Variants in TMEM163 observed in about 807,000 individuals in gnomAD.
TMEM163 encodes transmembrane protein 163.
In TMEM163, 17 loss-of-function variants were observed where a neutral mutation model predicts 29.3. The ratio of observed to expected loss-of-function variants is 0.58; its 90% CI spans 0.40 to 0.87. The LOEUF (loss-of-function observed/expected upper bound fraction) is 0.87, where lower values mean the gene tolerates loss of function less well. Among genes scored for constraint, TMEM163 ranks in the 40% least tolerant of loss-of-function variants. TMEM163 has a pLI of 0.00. For synonymous variants in TMEM163, 157 were observed against 160.6 expected, an observed-to-expected ratio of 0.98 and a Z score of 0.17; for missense variants, 303 against 381.5, an observed-to-expected ratio of 0.79 and a Z score of 1.71.
At chr2:134,598,119 G>T (rs1291275965) in intron 2 of TMEM163, among the ~76,000 whole-genome samples, 2 of 152,032 alleles carry the variant, frequency 1.3e-5, no homozygotes, top group Middle Eastern at 3.2e-3. Context: ...CTTCAGTTCT[G>T]CTCACAAAGC....
Position 134,565,844 on chromosome 2 carries a change from T to C in TMEM163, c.323-13753A>G, listed in dbSNP as rs116270799. On this transcript the variant is annotated intron_variant, in intron 2 of 7. Coordinates refer to ENST00000281924, the MANE Select transcript of TMEM163 (RefSeq NM_030923.5). ...GCAAAGGCAAACACAAAAGCACTCA[T>C]TGGATAATCTATGTATGATTTGGTT... 6.9e-4 allele frequency among the ~76,000 whole-genome samples: 105 copies of C among 152,290 alleles called. 1 individual carries two copies. Among genetic ancestry groups the C allele is most frequent in the African/African-American group, 2.4e-3 (99 of 41,558 alleles).
intron 2 of TMEM163, among the ~76,000 whole-genome samples, chr2:134,662,098 G>T (rs72970201): frequency 0.031 from 4,650 of 151,852 alleles, 173 homozygotes; most frequent in East Asian, 0.13. Context: ...ACCACACCTG[G>T]TTAATTTTTT....
intron 2 of TMEM163, among the ~76,000 whole-genome samples, chr2:134,563,857 C>G (rs1338120910): frequency 1.3e-5 from 2 of 152,160 alleles, no homozygotes; most frequent in Non-Finnish European, 2.9e-5. Context: ...GAGTTCGAGA[C>G]CAACCTGACA....
chr2:134,530,766 TTGGA>T (rs1680399046), intron 4 of TMEM163, among the ~76,000 whole-genome samples: 1 of 152,186 alleles, frequency 6.6e-6, no homozygotes, highest in Non-Finnish European at 1.5e-5. Context: ...CCATCTGGGG[TTGGA>T]TGAAGAATAA....
chr2:134,709,641 T>G (rs1684885257), intron 2 of TMEM163, among the ~76,000 whole-genome samples: 1 of 151,962 alleles, frequency 6.6e-6, no homozygotes, highest in African/African-American at 2.4e-5. Flanking sequence ...CAAATAAAAT[T>G]TTAAGGCTCC....
At chr2:134,550,328 A>C (rs1680885172) in intron 4 of TMEM163, among the ~76,000 whole-genome samples, 2 of 152,212 alleles carry the variant, frequency 1.3e-5, no homozygotes, top group Non-Finnish European at 2.9e-5. Flanking sequence ...ATAGACCAGC[A>C]AACACATATT....
intron 2 of TMEM163, among the ~76,000 whole-genome samples, chr2:134,583,998 C>T (rs1302772145): frequency 6.6e-6 from 1 of 152,186 alleles, no homozygotes; most frequent in African/African-American, 2.4e-5. Context: ...GAATTTCTGA[C>T]CATTTGTTCA....
chr2:134,526,991 T>C (rs531336538), intron 4 of TMEM163, among the ~76,000 whole-genome samples: 1 of 152,350 alleles, frequency 6.6e-6, no homozygotes, highest in East Asian at 1.9e-4. Context: ...CATTATTTAG[T>C]CTAAGCTGTA....
chr2:134,569,873 G>T (rs1681381605), intron 2 of TMEM163, among the ~76,000 whole-genome samples: 1 of 152,198 alleles, frequency 6.6e-6, no homozygotes, highest in Non-Finnish European at 1.5e-5. Context: ...GTTCTGAGTA[G>T]TGTGATAAAA....
chr2:134,567,149 C>T (rs761568609), intron 2 of TMEM163, among the ~76,000 whole-genome samples: 4 of 152,150 alleles, frequency 2.6e-5, no homozygotes, highest in South Asian at 2.1e-4. Context: ...AATATCTGCA[C>T]GTATTTCTGA....
At chr2:134,623,204 C>A (rs1169728753) in intron 2 of TMEM163, among the ~76,000 whole-genome samples, 1 of 152,118 alleles carries the variant, frequency 6.6e-6, no homozygotes, top group African/African-American at 2.4e-5. Flanking sequence ...GGAAAAGGAA[C>A]AGAAACATCA....
intron 2 of TMEM163, among the ~76,000 whole-genome samples, chr2:134,558,800 C>A (rs1049262101): frequency 1.3e-5 from 2 of 152,166 alleles, no homozygotes; most frequent in African/African-American, 2.4e-5. Context: ...TTATCTTGAG[C>A]CTTAGCACTC....
chr2:134,649,458 A>G (rs1402378730), intron 2 of TMEM163, among the ~76,000 whole-genome samples: 1 of 152,146 alleles, frequency 6.6e-6, no homozygotes, highest in Non-Finnish European at 1.5e-5. Context: ...CCATTGAAGC[A>G]CTCTCTATAG....
At chr2:134,520,164 G>A (rs1680163097) in intron 4 of TMEM163, among the ~76,000 whole-genome samples, 1 of 152,172 alleles carries the variant, frequency 6.6e-6, no homozygotes, top group Non-Finnish European at 1.5e-5. Flanking sequence ...TTGTGTGTTT[G>A]ATAGGTCCAC....
At chr2:134,553,571 C>T (rs7598795) in intron 2 of TMEM163, among the ~76,000 whole-genome samples, 19,051 of 152,232 alleles carry the variant, frequency 0.13, 2,636 homozygotes, top group African/African-American at 0.34. Flanking sequence ...GAGTGAACCA[C>T]TGGTGTCCGA....
At chr2:134,573,876 C>G (rs534932116) in intron 2 of TMEM163, among the ~76,000 whole-genome samples, 1 of 152,244 alleles carries the variant, frequency 6.6e-6, no homozygotes, top group East Asian at 1.9e-4. Flanking sequence ...AATGCTGCCT[C>G]CATTTCTAGA....
At chr2:134,642,069 A>G (rs1378881523) in intron 2 of TMEM163, among the ~76,000 whole-genome samples, 1 of 152,170 alleles carries the variant, frequency 6.6e-6, no homozygotes, top group Non-Finnish European at 1.5e-5. Context: ...GCAGAGCTTC[A>G]AAACACATGA....
At chr2:134,695,254 T>C (rs1432408065) in intron 2 of TMEM163, among the ~76,000 whole-genome samples, 1 of 151,998 alleles carries the variant, frequency 6.6e-6, no homozygotes, top group African/African-American at 2.4e-5. Flanking sequence ...TTTTTTGTAT[T>C]TCCAGTAGAG....
chr2:134,555,510 C>T (rs996729175), intron 2 of TMEM163, among the ~76,000 whole-genome samples: 2 of 152,236 alleles, frequency 1.3e-5, no homozygotes, highest in African/African-American at 2.4e-5. Context: ...AAACAAGGGC[C>T]GTTCTGAACT....
Sources: allele counts gnomAD v4.1 joint callset (sites outside exome capture counted in the v4.1 genomes callset), GRCh38; gene constraint gnomAD v4.1.1; transcripts MANE v1.5; gene names NCBI Gene and HGNC (gene_info 2026-07-23, HGNC 2026-07-21).